Variants in LIG1 observed in about 807,000 individuals in gnomAD.
The protein encoded by LIG1 is ligase I, DNA, ATP-dependent.
Under a neutral mutation model 115.7 loss-of-function variants are expected in LIG1, and 70 were observed. The ratio of observed to expected loss-of-function variants is 0.60; its 90% CI spans 0.50 to 0.74. The LOEUF (loss-of-function observed/expected upper bound fraction) is 0.74. LIG1 is among the 30% of genes least tolerant of loss of function. The probability of loss-of-function intolerance (pLI) is 0.00; values close to 1 mark genes in which losing one functional copy is unlikely to be tolerated. For missense variants in LIG1, 1,115 were observed against 1,225.6 expected (o/e 0.91, Z 1.35); for synonymous variants, 487 against 495.3 (o/e 0.98, Z 0.22).
chr19:48,156,559 T>C (rs1206246137), intron 5 of LIG1, among the ~76,000 whole-genome samples: 1 of 152,076 alleles, frequency 6.6e-6, no homozygotes, highest in East Asian at 1.9e-4. Flanking sequence ...ATACAGCCAG[T>C]GGATGGTGGA....
chr19:48,121,412 G>T (rs774437571), intron 23 of LIG1, 90 bp from the exon 24 acceptor site: 22 of 1,258,196 alleles, frequency 1.7e-5, no homozygotes, highest in Non-Finnish European at 2.2e-5. Context: ...GGACTGAGGA[G>T]GGACTAGAAG....
intron 10 of LIG1, 35 bp from the exon 11 acceptor site, chr19:48,143,634 G>A (rs374022891): frequency 3.8e-6 from 6 of 1,572,468 alleles, no homozygotes; most frequent in Non-Finnish European, 5.3e-6. Flanking sequence ...AGTGACAGTG[G>A]TGCAGGCTAT....
At chr19:48,142,778 G>A (rs1273137655) in intron 11 of LIG1, among the ~76,000 whole-genome samples, 1 of 152,018 alleles carries the variant, frequency 6.6e-6, no homozygotes, top group Non-Finnish European at 1.5e-5. Flanking sequence ...TGAGTAGCCG[G>A]GATTACAGGC....
intron 16 of LIG1, among the ~76,000 whole-genome samples, chr19:48,135,324 T>C (rs2034309527): frequency 6.6e-6 from 1 of 152,172 alleles, no homozygotes; most frequent in African/African-American, 2.4e-5. Context: ...GGTTTCACCA[T>C]GTTGGCCAGG....
chr19:48,130,513 G>A (rs1435150838), intron 19 of LIG1, among the ~76,000 whole-genome samples: 3 of 152,164 alleles, frequency 2.0e-5, no homozygotes, highest in Non-Finnish European at 4.4e-5. Flanking sequence ...CCACAGGCTG[G>A]CCCCCTCCAA....
At chr19:48,136,261 G>A (rs1327327386) in intron 14 of LIG1, 136 bp from the exon 15 acceptor site, 2 of 666,174 alleles carry the variant, frequency 3.0e-6, no homozygotes, top group African/African-American at 1.8e-5. Context: ...GAGCCTGGAA[G>A]GGACCCCAGA....
At position 48,119,172 on chromosome 19, in the gene LIG1, C is replaced by T. The variant is rs1207089886; in HGVS notation, c.2404G>A (p.Asp802Asn). 2 of 1,583,912 alleles carry T rather than the reference C, an allele frequency of 1.3e-6. No individual in the cohort carries two copies. Among genetic ancestry groups the T allele is most frequent in the Non-Finnish European group, 1.7e-6 (2 of 1,165,200 alleles). ...TGGTGATGCTCCTCCAGCTCCTCAT[C>T]ACTGAAGCCAGTTCCAAGCTGCAGG... ...AICKLGTGFS[D>N]EELEEHHQSL... The change falls in exon 25 of 28, where the codon GAT becomes AAT. Residue 802 changes from aspartate (D) to asparagine (N), a missense_variant. Coordinates refer to ENST00000263274, the MANE Select transcript of LIG1 (RefSeq NM_000234.3).
chr19:48,157,049 T>C lies in LIG1; in HGVS notation c.335A>G (p.Asp112Gly), dbSNP rs2035894263. Residue 112 changes from aspartate (D) to glycine (G), a missense_variant, in exon 5 of 28, where the codon GAC becomes GGC. Transcript: ENST00000263274. ...NASLSDTSPM[D>G]SSPSGIPKRR... is the part of the protein sequence containing the mutation. ...CTTCGGAATCCCTGATGGGGAACTGTCCATGGGAGAGGTGTCAGAGAGGGA... is the reference window on the plus strand; with the variant it reads ...CTTCGGAATCCCTGATGGGGAACTGCCCATGGGAGAGGTGTCAGAGAGGGA... 1 of 1,608,066 alleles carries C rather than the reference T, an allele frequency of 6.2e-7. No homozygotes were observed. Among genetic ancestry groups the C allele is most frequent in the East Asian group, 2.2e-5 (1 of 44,464 alleles).
chr19:48,146,622 G>C (rs1324504843), intron 9 of LIG1, among the ~76,000 whole-genome samples: 1 of 152,224 alleles, frequency 6.6e-6, no homozygotes, highest in Non-Finnish European at 1.5e-5. Context: ...GGAGGTCGCG[G>C]TGAGCTGAAA....
Position 48,128,703 on chromosome 19 carries a change from C to A in LIG1, c.1822-683G>T, listed in dbSNP as rs1772031232. On this transcript the variant is annotated intron_variant, in intron 19 of 27. Transcript: ENST00000263274. ...CTCAAGGGAACACTGTTGCCCAAGC[C>A]GGGGGCAGCATTCATGTTGTATCCT... Among the ~76,000 whole-genome samples the A allele has an allele frequency of 1.3e-5, 2 of 152,242 alleles. 1 individual carries two copies. The highest frequency in any genetic ancestry group is 2.9e-5 in the Non-Finnish European group (2 of 68,044).
In LIG1 at chr19:48,119,180, C is replaced by T. The variant is rs1434136075; in HGVS notation, c.2396G>A (p.Gly799Asp). The T allele has an allele frequency of 6.3e-7, 1 of 1,584,800 alleles. No individual in the cohort carries two copies. The highest frequency in any genetic ancestry group is 8.6e-7 in the Non-Finnish European group (1 of 1,165,576). Residue 799 changes from glycine (G) to aspartate (D), a missense_variant, in exon 25 of 28, where the codon GGC becomes GAC. Coordinates refer to ENST00000263274, the MANE Select transcript of LIG1 (RefSeq NM_000234.3). ...ELQAICKLGT[G>D]FSDEELEEHH... ...CTCCTCCAGCTCCTCATCACTGAAG[C>T]CAGTTCCAAGCTGCAGGGAGGAAGC...
chr19:48,157,002 G>C lies in LIG1; in HGVS notation c.370+12C>G, dbSNP rs760205167. On this transcript the variant is annotated intron_variant, in intron 5 of 27. Transcript: ENST00000263274. ...CAGGCGACTGAAGGGGCAGGGGCCC[G>C]TGTGTTCTCACCTGTGCGACGCTTC... is the stretch of plus-strand genomic sequence containing the variant. 6.6e-7 allele frequency: 1 copy of C among 1,509,420 alleles called. No individual in the cohort carries two copies. Among genetic ancestry groups the C allele is most frequent in the South Asian group, 1.1e-5 (1 of 88,640 alleles). The allele number at this position is 1,509,420 out of a possible 1,614,324, so 93.5% of individuals were successfully genotyped here.
chr19:48,131,779 TGAGC>T (rs1312680794), intron 18 of LIG1, among the ~76,000 whole-genome samples: 1 of 152,194 alleles, frequency 6.6e-6, no homozygotes, highest in Non-Finnish European at 1.5e-5. Context: ...TCACAGCCCT[TGAGC>T]AGGGCGGCAT....
Position 48,145,174 on chromosome 19 carries a change from T to C in LIG1, c.777-1211A>G, listed in dbSNP as rs3730921. Among the ~76,000 whole-genome samples, 467 of 152,284 alleles carry C rather than the reference T, an allele frequency of 3.1e-3. 4 individuals carry two copies. The highest frequency in any genetic ancestry group is 0.011 in the African/African-American group (438 of 41,566). ...TCGACCTCCCAAAGTCCTGGGATTA[T>C]AGGCATGAGCCACTGCGCCCGGCCT... On this transcript the variant is annotated intron_variant, in intron 9 of 27. Transcript: ENST00000263274.
chr19:48,115,498 C>CG lies in LIG1; in HGVS notation c.*150dup. 1.2e-5 allele frequency: 8 copies of CG among 665,164 alleles called. No homozygotes were observed. The highest frequency in any genetic ancestry group is 3.2e-5 in the South Asian group (2 of 61,834). 41.2% of individuals were successfully genotyped at this position (665,164 alleles called of 1,614,324 possible). ...AAATGACGGGATGAATCCCAGACTC[C>CG]GGAGTAAGCCACCCCCTCACACACA... On this transcript the variant is annotated 3_prime_UTR_variant, in exon 28 of 28. Transcript: ENST00000263274.
At chr19:48,119,725 T>G (rs917630952) in intron 24 of LIG1, among the ~76,000 whole-genome samples, 1 of 151,940 alleles carries the variant, frequency 6.6e-6, no homozygotes, top group East Asian at 1.9e-4. Flanking sequence ...AAAGTTTTTG[T>G]AGAGGTGGGG....
Position 48,119,176 on chromosome 19 carries a change from G to A in LIG1, c.2400C>T (p.Phe800=). Residue 800 remains phenylalanine (F), a synonymous_variant, in exon 25 of 28, where the codon TTC becomes TTT. Coordinates refer to ENST00000263274, the MANE Select transcript of LIG1 (RefSeq NM_000234.3). ...GATGCTCCTCCAGCTCCTCATCACT[G>A]AAGCCAGTTCCAAGCTGCAGGGAGG... The part of the protein sequence containing the change: ...LQAICKLGTG[F]SDEELEEHHQ... The A allele has an allele frequency of 1.3e-6, 2 of 1,584,650 alleles. No individual in the cohort carries two copies. Among genetic ancestry groups the A allele is most frequent in the Non-Finnish European group, 1.7e-6 (2 of 1,165,582 alleles).
In LIG1 at chr19:48,143,535, TTAGTTA is replaced by T. The variant is rs2034915450; in HGVS notation, c.914+2_914+7del. The stretch of plus-strand genomic sequence containing the variant: ...CCGCCCCCCACCCAGGCAGTCCTCA[TTAGTTA>T]CCGAGCAGACACCTCCTCGATCTTC... On this transcript the variant is annotated splice_donor_variant and splice_donor_5th_base_variant and intron_variant, in intron 11 of 27. Coordinates refer to ENST00000263274, the MANE Select transcript of LIG1 (RefSeq NM_000234.3). LOFTEE classifies it high-confidence loss of function. 1.1e-6 allele frequency: 1 copy of T among 878,870 alleles called. No homozygotes were observed. The highest frequency in any genetic ancestry group is 1.7e-6 in the Non-Finnish European group (1 of 590,224). The allele number at this position is 878,870 out of a possible 1,614,324, so 54.4% of individuals were successfully genotyped here. A position where few individuals can be genotyped will look rare whatever the true frequency, so the allele number is the denominator to read the frequency against.
In LIG1 at chr19:48,133,260, A is replaced by G. The variant is rs1429184717; in HGVS notation, c.1610-163T>C. On this transcript the variant is annotated intron_variant, in intron 17 of 27. Coordinates refer to ENST00000263274, the MANE Select transcript of LIG1 (RefSeq NM_000234.3). ...AAGGGGACCTAGCCTCCCACTGGGG[A>G]CTACAGCCCCCGGCCTTCCTTCCAG... 6.3e-6 allele frequency: 4 copies of G among 630,426 alleles called. No homozygotes were observed. In the East Asian group the frequency reaches 8.2e-5, roughly 13 times the overall value. The allele number at this position is 630,426 out of a possible 1,614,324, so 39.1% of individuals were successfully genotyped here.
Sources: allele counts gnomAD v4.1 joint callset (sites outside exome capture counted in the v4.1 genomes callset), GRCh38; gene constraint gnomAD v4.1.1; transcripts MANE v1.5; gene names NCBI Gene and HGNC (gene_info 2026-07-23, HGNC 2026-07-21).